ELMO1: variants seen among roughly 807,000 people sequenced by gnomAD.
ELMO1 encodes the protein engulfment and cell motility protein 1.
In ELMO1, 26 loss-of-function variants were observed where a neutral mutation model predicts 98.9. The observed-to-expected ratio is 0.26, with a 90% CI of 0.19 to 0.36. The LOEUF is 0.36. ELMO1 is among the 10% of genes least tolerant of loss of function. The probability of loss-of-function intolerance (pLI) is 1.00; values close to 1 mark genes in which losing one functional copy is unlikely to be tolerated. For missense variants in ELMO1, 627 were observed against 935.2 expected (o/e 0.67, Z 4.30); for synonymous variants, 346 against 346.0 (o/e 1.00, Z 0.00).
intron 16 of ELMO1, among the ~76,000 whole-genome samples, chr7:36,913,107 T>C (rs755972921): frequency 1.3e-5 from 2 of 152,188 alleles, no homozygotes; most frequent in East Asian, 1.9e-4. Flanking sequence ...CGGTGGAGCA[T>C]GCACAACATG....
At chr7:37,172,596 GC>G (rs1208057593) in intron 13 of ELMO1, among the ~76,000 whole-genome samples, 5 of 152,166 alleles carry the variant, frequency 3.3e-5, no homozygotes, top group African/African-American at 1.2e-4. Flanking sequence ...GAGGAGCTAA[GC>G]TACTATCAGA....
intron 5 of ELMO1, among the ~76,000 whole-genome samples, chr7:37,266,521 A>G (rs1455048151): frequency 6.6e-6 from 1 of 152,184 alleles, no homozygotes; most frequent in Non-Finnish European, 1.5e-5. Flanking sequence ...ACATCCACAC[A>G]GGCCAAAAGA....
At chr7:37,180,749 T>G (rs574792392) in intron 13 of ELMO1, among the ~76,000 whole-genome samples, 1 of 151,896 alleles carries the variant, frequency 6.6e-6, no homozygotes, top group Non-Finnish European at 1.5e-5. Flanking sequence ...CTCTAAAGTG[T>G]TTTTTTGGGG....
chr7:37,290,959 A>T (rs951744469), intron 4 of ELMO1, among the ~76,000 whole-genome samples: 1 of 152,202 alleles, frequency 6.6e-6, no homozygotes, highest in African/African-American at 2.4e-5. Flanking sequence ...AGGAAGAAAA[A>T]GGCACAGACA....
intron 15 of ELMO1, among the ~76,000 whole-genome samples, chr7:37,088,354 AG>A (rs1379947560): frequency 6.6e-6 from 1 of 152,218 alleles, no homozygotes; most frequent in African/African-American, 2.4e-5. Context: ...ACACAAACAA[AG>A]CACCACAGAA....
intron 16 of ELMO1, among the ~76,000 whole-genome samples, chr7:36,904,440 C>T (rs1191478840): frequency 4.6e-5 from 7 of 152,030 alleles, no homozygotes; most frequent in African/African-American, 1.7e-4. Flanking sequence ...GATCATAATC[C>T]AAAACAGGAG....
intron 13 of ELMO1, among the ~76,000 whole-genome samples, chr7:37,202,345 T>A (rs1307861249): frequency 6.6e-6 from 1 of 152,232 alleles, no homozygotes; most frequent in Non-Finnish European, 1.5e-5. Context: ...ATTAAGTGAA[T>A]GTCAAAATTT....
Position 36,855,986 on chromosome 7 carries a change from G to T in ELMO1, c.1984-235C>A, listed in dbSNP as rs1489167258. ...AAGTGACTCAGTATTATGTAGACCGGGTGGGATTTGAACCCAGGCAATCTG... is the reference window on the plus strand; with the variant it reads ...AAGTGACTCAGTATTATGTAGACCGTGTGGGATTTGAACCCAGGCAATCTG... On this transcript the variant is annotated intron_variant, in intron 21 of 21. Coordinates refer to ENST00000310758, the MANE Select transcript of ELMO1 (RefSeq NM_014800.11). The surrounding 1 kb of genome is among the most constrained non-coding windows in gnomAD (Gnocchi z 4.2). Among the ~76,000 whole-genome samples the T allele has an allele frequency of 6.6e-6, 1 of 152,194 alleles. No homozygotes were observed. The highest frequency in any genetic ancestry group is 2.4e-5 in the African/African-American group (1 of 41,446).
chr7:37,438,607 A>G (rs953576051), intron 1 of ELMO1, among the ~76,000 whole-genome samples: 1 of 152,112 alleles, frequency 6.6e-6, no homozygotes, highest in East Asian at 1.9e-4. Flanking sequence ...CTCAAAAAAA[A>G]AAACACTACT....
chr7:37,335,927 A>G (rs1304927795), intron 2 of ELMO1, among the ~76,000 whole-genome samples: 1 of 152,116 alleles, frequency 6.6e-6, no homozygotes, highest in African/African-American at 2.4e-5. Context: ...CTTGGGCCAT[A>G]AAGAACGCAT....
chr7:37,230,433 A>G lies in ELMO1; in HGVS notation c.549+2662T>C, dbSNP rs544458688. On this transcript the variant is annotated intron_variant, in intron 8 of 21. Coordinates refer to ENST00000310758, the MANE Select transcript of ELMO1 (RefSeq NM_014800.11). ...CTATGCCTTCCACCACTTGGAAAGC[A>G]CAGGTGCATGATGAGGAGGAGAAGC... Among the ~76,000 whole-genome samples the G allele has an allele frequency of 1.0e-3, 155 of 152,186 alleles. 1 individual carries two copies. The highest frequency in any genetic ancestry group is 3.6e-3 in the African/African-American group (151 of 41,466).
intron 2 of ELMO1, among the ~76,000 whole-genome samples, chr7:37,319,826 A>T (rs977083532): frequency 1.3e-5 from 2 of 152,144 alleles, no homozygotes; most frequent in African/African-American, 4.8e-5. Context: ...TGTTCTAAAG[A>T]TCCCATCACC....
At chr7:37,070,824 TC>T (rs1393741893) in intron 15 of ELMO1, among the ~76,000 whole-genome samples, 1 of 152,194 alleles carries the variant, frequency 6.6e-6, no homozygotes, top group Non-Finnish European at 1.5e-5. Flanking sequence ...TGATGTATTT[TC>T]TCTTCTGGGA....
At chr7:37,103,539 G>C (rs1241924135) in intron 14 of ELMO1, among the ~76,000 whole-genome samples, 3 of 114,400 alleles carry the variant, frequency 2.6e-5, no homozygotes, top group Non-Finnish European at 5.2e-5. Context: ...GGAGGGGGGA[G>C]GGATAGCATT....
chr7:37,235,674 T>C (rs952037153), intron 7 of ELMO1, among the ~76,000 whole-genome samples: 3 of 152,246 alleles, frequency 2.0e-5, no homozygotes, highest in Admixed American at 6.5e-5. Context: ...GGTTCATGCC[T>C]GCAATCCCAG....
intron 14 of ELMO1, among the ~76,000 whole-genome samples, chr7:37,132,172 A>C (rs905294808): frequency 6.6e-6 from 1 of 152,252 alleles, no homozygotes; most frequent in African/African-American, 2.4e-5. Flanking sequence ...AGATGATGAT[A>C]GTGCCAGGCT....
intron 15 of ELMO1, among the ~76,000 whole-genome samples, chr7:37,017,245 C>T (rs1793993676): frequency 6.6e-6 from 1 of 152,122 alleles, no homozygotes. Flanking sequence ...TGAACCAACC[C>T]TTTTTTCTTC....
chr7:36,900,389 A>T (rs1584337270), intron 16 of ELMO1, among the ~76,000 whole-genome samples: 1 of 152,200 alleles, frequency 6.6e-6, no homozygotes, highest in South Asian at 2.1e-4. Flanking sequence ...CCAGAGTGTA[A>T]TATGGTTGGT....
intron 15 of ELMO1, among the ~76,000 whole-genome samples, chr7:37,092,395 T>C (rs1258673949): frequency 5.2e-5 from 7 of 135,234 alleles, no homozygotes; most frequent in Admixed American, 3.6e-4. Flanking sequence ...TTTTTTTTTT[T>C]GGAGACAGAG....
Sources: gnomAD v4.1 joint callset for allele counts (sites outside exome capture counted in the v4.1 genomes callset) on GRCh38, gnomAD v4.1.1 for gene constraint, Gnocchi (gnomAD v3.1) non-coding constraint, MANE v1.5 for transcripts, NCBI Gene and HGNC (gene_info 2026-07-23, HGNC 2026-07-21) for gene names.